CREBBP: variants seen among roughly 807,000 people sequenced by gnomAD.
The protein encoded by CREBBP is CREB binding lysine acetyltransferase, also known as CREB-binding protein.
A neutral mutation model predicts 265.0 loss-of-function variants in CREBBP; 19 were observed. That is an observed-to-expected ratio of 0.07 (90% CI 0.05 to 0.11). CREBBP has a LOEUF of 0.11. CREBBP is among the 10% of genes least tolerant of loss of function. CREBBP has a pLI of 1.00. For synonymous variants in CREBBP, 1,457 were observed against 1,223.7 expected (o/e 1.19, Z -3.98); for missense variants, 2,525 against 3,219.0 (o/e 0.78, Z 5.22).
chr16:3,796,547 T>G (rs1324650279), intron 3 of CREBBP, among the ~76,000 whole-genome samples: 1 of 152,028 alleles, frequency 6.6e-6, no homozygotes, highest in Non-Finnish European at 1.5e-5. Context: ...CCACCACGCC[T>G]GGCTACTTTT....
chr16:3,765,885 G>C (rs1331914060), intron 16 of CREBBP, among the ~76,000 whole-genome samples: 1 of 152,040 alleles, frequency 6.6e-6, no homozygotes, highest in Non-Finnish European at 1.5e-5. Context: ...CTCCAGGCTA[G>C]AGTGCAGTGG....
intron 2 of CREBBP, among the ~76,000 whole-genome samples, chr16:3,849,436 T>TGTGATGTGCGTGACC (rs2054757875): frequency 8.8e-5 from 1 of 11,400 alleles, no homozygotes; most frequent in African/African-American, 1.2e-4. Flanking sequence ...TGTGTGTGTG[T>TGTGATGTGCGTGACC]GTGTGTGTGT....
chr16:3,805,788 A>G (rs1184751616), intron 3 of CREBBP, among the ~76,000 whole-genome samples: 1 of 152,232 alleles, frequency 6.6e-6, no homozygotes, highest in East Asian at 1.9e-4. Context: ...TCATGGTGTC[A>G]GTGGACAGTG....
chr16:3,811,829 A>G (rs540325158), intron 2 of CREBBP, among the ~76,000 whole-genome samples: 74 of 152,188 alleles, frequency 4.9e-4, no homozygotes, highest in African/African-American at 1.8e-3. Flanking sequence ...TCTTTTCTCT[A>G]GCTTACTTCA....
At chr16:3,823,939 A>G (rs896274267) in intron 2 of CREBBP, among the ~76,000 whole-genome samples, 3 of 147,150 alleles carry the variant, frequency 2.0e-5, no homozygotes, top group African/African-American at 7.5e-5. Flanking sequence ...GGACACTGGA[A>G]GTTGAAAAGG....
chr16:3,836,435 A>G (rs1424783082), intron 2 of CREBBP, among the ~76,000 whole-genome samples: 4 of 146,780 alleles, frequency 2.7e-5, no homozygotes, highest in Non-Finnish European at 4.5e-5. Context: ...CTGTGTCTCA[A>G]AAAAAAAAAA....
chr16:3,866,126 C>T (rs367833582), intron 1 of CREBBP, among the ~76,000 whole-genome samples: 1 of 152,046 alleles, frequency 6.6e-6, no homozygotes, highest in East Asian at 1.9e-4. Context: ...TACAAATAAG[C>T]TTAAAAGGCT....
chr16:3,730,238 C>T (rs1234080365), intron 30 of CREBBP, among the ~76,000 whole-genome samples: 1 of 152,184 alleles, frequency 6.6e-6, no homozygotes, highest in African/African-American at 2.4e-5. Flanking sequence ...ACAGTAGACA[C>T]CAGCCCCCTT....
chr16:3,729,923 C>G (rs372237435), intron 30 of CREBBP, 49 bp from the exon 31 acceptor site: 19 of 1,592,536 alleles, frequency 1.2e-5, no homozygotes, highest in Non-Finnish European at 1.4e-5. Flanking sequence ...GGACCCAGTA[C>G]CACCAGGCAT....
chr16:3,740,697 C>T, intron 23 of CREBBP, 148 bp from the exon 24 acceptor site: 1 of 955,338 alleles, frequency 1.0e-6, no homozygotes, highest in Middle Eastern at 2.8e-4. Context: ...CTAATCTGTC[C>T]TGTGACACGA....
In CREBBP at chr16:3,726,059, G is replaced by C. The variant is rs2051734200; in HGVS notation, c.*1659C>G. 8.6e-6 allele frequency: 2 copies of C among 233,212 alleles called. No individual in the cohort carries two copies. The highest frequency in any genetic ancestry group is 2.2e-5 in the African/African-American group (1 of 45,364). 14.4% of individuals were successfully genotyped at this position (233,212 alleles called of 1,614,324 possible). On this transcript the variant is annotated 3_prime_UTR_variant, in exon 31 of 31. Transcript: ENST00000262367. ...TGGCTAAGTGCAAGTATCCCCCGAAGTGGGGGACCTTTCTCACTGTAACAG... is the reference window on the plus strand; with the variant it reads ...TGGCTAAGTGCAAGTATCCCCCGAACTGGGGGACCTTTCTCACTGTAACAG...
intron 16 of CREBBP, among the ~76,000 whole-genome samples, chr16:3,760,694 G>T (rs1319514156): frequency 6.6e-6 from 1 of 151,164 alleles, no homozygotes; most frequent in South Asian, 2.1e-4. Flanking sequence ...ATGAGCCACT[G>T]TACCCAGCCA....
intron 15 of CREBBP, among the ~76,000 whole-genome samples, chr16:3,768,335 T>C (rs993089006): frequency 1.3e-5 from 2 of 151,722 alleles, no homozygotes; most frequent in Admixed American, 6.6e-5. Context: ...TTGGTAGATA[T>C]GGGGTTTCAT....
chr16:3,843,434 T>TC (rs898519508), intron 2 of CREBBP, among the ~76,000 whole-genome samples: 6 of 151,646 alleles, frequency 4.0e-5, no homozygotes, highest in African/African-American at 1.5e-4. Context: ...TTTTTTTTTT[T>TC]TTTTTGAGTC....
At chr16:3,850,096 T>C (rs189500696) in intron 2 of CREBBP, among the ~76,000 whole-genome samples, 2 of 152,202 alleles carry the variant, frequency 1.3e-5, no homozygotes, top group East Asian at 1.9e-4. Flanking sequence ...GTCCTACTTC[T>C]TTAAGAATTC....
chr16:3,791,969 G>C lies in CREBBP; in HGVS notation c.1330+12C>G. The stretch of plus-strand genomic sequence containing the variant: ...CTCATCTCCAAGCTTCTCTGCCCCC[G>C]TGCTCACTTACTTTGTTGGTTTCGC... On this transcript the variant is annotated intron_variant, in intron 5 of 30. Coordinates refer to ENST00000262367, the MANE Select transcript of CREBBP (RefSeq NM_004380.3). 1 of 1,594,570 alleles carries C rather than the reference G, an allele frequency of 6.3e-7. No individual in the cohort carries two copies. Among genetic ancestry groups the C allele is most frequent in the African/African-American group, 1.3e-5 (1 of 74,576 alleles).
chr16:3,759,020 T>C, intron 16 of CREBBP, 48 bp from the exon 17 acceptor site: 1 of 1,384,522 alleles, frequency 7.2e-7, no homozygotes, highest in Non-Finnish European at 1.0e-6. Flanking sequence ...GGTGCTCAGA[T>C]CCCTCCTACC....
chr16:3,758,656 G>T (rs958875738), intron 17 of CREBBP, among the ~76,000 whole-genome samples, 198 bp downstream of exon 17: 2 of 152,124 alleles, frequency 1.3e-5, no homozygotes, highest in Admixed American at 6.5e-5. Flanking sequence ...CTCCTCCAAG[G>T]ACCAGGGCTT....
chr16:3,790,107 C>T (rs984112335), intron 5 of CREBBP, among the ~76,000 whole-genome samples: 3 of 152,086 alleles, frequency 2.0e-5, no homozygotes, highest in Non-Finnish European at 4.4e-5. Flanking sequence ...AATATTTTGG[C>T]ACTTAAAGAG....
Sources: gnomAD v4.1 joint callset for allele counts (sites outside exome capture counted in the v4.1 genomes callset) on GRCh38, gnomAD v4.1.1 for gene constraint, MANE v1.5 for transcripts, NCBI Gene and HGNC (gene_info 2026-07-23, HGNC 2026-07-21) for gene names.